EHBP1: variants seen among roughly 807,000 people sequenced by gnomAD.
EHBP1 encodes the protein EH domain binding protein 1.
Under a neutral mutation model 144.0 loss-of-function variants are expected in EHBP1, and 55 were observed. That is an observed-to-expected ratio of 0.38 (90% CI 0.31 to 0.48). EHBP1 has a LOEUF of 0.48. EHBP1 is among the 20% of genes least tolerant of loss of function. The probability of loss-of-function intolerance (pLI) is 0.98; values close to 1 mark genes in which losing one functional copy is unlikely to be tolerated. For missense variants in EHBP1, 1,200 were observed against 1,364.2 expected (o/e 0.88, Z 1.90); for synonymous variants, 469 against 472.7 (o/e 0.99, Z 0.10).
chr2:62,705,158 C>G (rs2034422722), upstream of EHBP1, among the ~76,000 whole-genome samples: 1 of 151,984 alleles, frequency 6.6e-6, no homozygotes, highest in East Asian at 1.9e-4. Flanking sequence ...AGGTAAGATC[C>G]CAGGAGGAAC....
chr2:62,778,928 G>A (rs1321369894), intron 5 of EHBP1, among the ~76,000 whole-genome samples: 4 of 151,956 alleles, frequency 2.6e-5, no homozygotes, highest in African/African-American at 7.3e-5. Flanking sequence ...GGAAAGACTG[G>A]ATATCTTTTT....
intron 14 of EHBP1, among the ~76,000 whole-genome samples, chr2:62,971,009 A>G (rs1387528190): frequency 5.3e-5 from 8 of 152,246 alleles, no homozygotes; most frequent in Non-Finnish European, 1.0e-4. Flanking sequence ...GAAAGGAAAC[A>G]AGGAATTACA....
chr2:62,940,278 C>A (rs1049842322), intron 10 of EHBP1: 1 of 253,628 alleles, frequency 3.9e-6, no homozygotes, highest in African/African-American at 2.3e-5. Flanking sequence ...GTCACCATTG[C>A]AGATGCTTAG....
chr2:62,856,285 G>T (rs752951077), intron 7 of EHBP1, among the ~76,000 whole-genome samples: 1 of 152,218 alleles, frequency 6.6e-6, no homozygotes, highest in Non-Finnish European at 1.5e-5. Context: ...ACATATCTGG[G>T]AGCTCCCCAT....
At chr2:62,761,855 C>A (rs1019511642) in intron 3 of EHBP1, among the ~76,000 whole-genome samples, 9 of 152,178 alleles carry the variant, frequency 5.9e-5, no homozygotes, top group Non-Finnish European at 1.0e-4. Flanking sequence ...TCCACTAGCG[C>A]CAACCTGTTT....
chr2:62,886,418 A>G (rs1028912670), intron 10 of EHBP1, among the ~76,000 whole-genome samples: 5 of 152,206 alleles, frequency 3.3e-5, no homozygotes, highest in African/African-American at 1.2e-4. Context: ...ATCTTACTTT[A>G]CCTGTAAATT....
chr2:62,720,936 A>T (rs966532177), intron 2 of EHBP1, among the ~76,000 whole-genome samples: 2 of 152,216 alleles, frequency 1.3e-5, no homozygotes, highest in African/African-American at 4.8e-5. Context: ...TACATATCAC[A>T]TCACCCAGCT....
intron 3 of EHBP1, among the ~76,000 whole-genome samples, chr2:62,748,132 A>T (rs958755280): frequency 6.6e-6 from 1 of 152,166 alleles, no homozygotes; most frequent in South Asian, 2.1e-4. Flanking sequence ...ATTAATGATT[A>T]AACAGGTACC....
chr2:62,888,918 G>T (rs1290215792), intron 10 of EHBP1, among the ~76,000 whole-genome samples: 1 of 152,140 alleles, frequency 6.6e-6, no homozygotes, highest in Non-Finnish European at 1.5e-5. Context: ...AGTTAGGACT[G>T]TGGTGAGGCA....
At chr2:62,918,954 G>C (rs2054852894) in intron 10 of EHBP1, among the ~76,000 whole-genome samples, 1 of 152,058 alleles carries the variant, frequency 6.6e-6, no homozygotes, top group Non-Finnish European at 1.5e-5. Context: ...AGCCTTCCAG[G>C]AGAGCCCTTA....
chr2:63,010,445 T>C (rs993500979), intron 19 of EHBP1, among the ~76,000 whole-genome samples: 4 of 151,672 alleles, frequency 2.6e-5, no homozygotes, highest in African/African-American at 9.7e-5. Flanking sequence ...AAAAAAATTA[T>C]ACTGGATTAT....
intron 2 of EHBP1, among the ~76,000 whole-genome samples, chr2:62,739,935 G>GAAAAAAAAAAAAAAAA: frequency 1.0e-5 from 1 of 97,122 alleles, no homozygotes; most frequent in Non-Finnish European, 2.1e-5. Context: ...GCCTGTCTCA[G>GAAAAAAAAAAAAAAAA]AAAAAAAAAA....
At position 62,686,013 on chromosome 2, in the gene EHBP1, CA is replaced by C. The variant is rs990064136; in HGVS notation, c.-296+11938del. Among the ~76,000 whole-genome samples, 15 of 151,634 alleles carry C rather than the reference CA, an allele frequency of 9.9e-5. No homozygotes were observed. In the South Asian group the frequency reaches 2.3e-3, roughly 23 times the overall value. On this transcript the variant is annotated intron_variant, in intron 1 of 22. Transcript: ENST00000405015. The stretch of plus-strand genomic sequence containing the variant: ...TTTGTCACTTTACTTTCAATAAGGA[CA>C]AAAAAAATAGTATTCTCTCCATTTC...
intron 7 of EHBP1, among the ~76,000 whole-genome samples, chr2:62,850,590 G>A (rs941722716): frequency 2.6e-5 from 4 of 152,048 alleles, no homozygotes; most frequent in African/African-American, 9.7e-5. Flanking sequence ...TGCTCAATTT[G>A]TATAGTAGTA....
At chr2:62,989,844 C>T (rs2059344508) in intron 15 of EHBP1, among the ~76,000 whole-genome samples, 1 of 151,992 alleles carries the variant, frequency 6.6e-6, no homozygotes, top group Non-Finnish European at 1.5e-5. Context: ...ATTGTTTAAT[C>T]TTTATCTTGA....
intron 14 of EHBP1, among the ~76,000 whole-genome samples, chr2:62,965,500 T>C (rs1034115739): frequency 6.6e-6 from 1 of 152,228 alleles, no homozygotes; most frequent in African/African-American, 2.4e-5. Flanking sequence ...CATACTTGAC[T>C]GATTGCTTAT....
chr2:62,946,945 C>T (rs1215263521), intron 12 of EHBP1, among the ~76,000 whole-genome samples: 1 of 152,094 alleles, frequency 6.6e-6, no homozygotes, highest in East Asian at 1.9e-4. Context: ...AAGGCATTTT[C>T]CTGTGACATC....
chr2:62,858,579 A>T, intron 7 of EHBP1: 2 of 1,011,792 alleles, frequency 2.0e-6, no homozygotes, highest in South Asian at 2.8e-5. Flanking sequence ...CTACCTCTTG[A>T]CTTCTGTCTG....
intron 2 of EHBP1, among the ~76,000 whole-genome samples, chr2:62,729,615 TAAATAAAATAAAATA>T (rs1307512493): frequency 2.2e-5 from 3 of 134,886 alleles, no homozygotes; most frequent in South Asian, 4.4e-4. Flanking sequence ...AATATAATAA[TAAATAAAATAAAATA>T]AAATAAAATA....
Sources: gnomAD v4.1 joint callset for allele counts (sites outside exome capture counted in the v4.1 genomes callset) on GRCh38, gnomAD v4.1.1 for gene constraint, MANE v1.5 for transcripts, NCBI Gene and HGNC (gene_info 2026-07-23, HGNC 2026-07-21) for gene names.